Variants in C10orf90 observed in about 807,000 individuals in gnomAD.
The protein encoded by C10orf90 is (E2-independent) E3 ubiquitin-conjugating enzyme FATS.
Under a neutral mutation model 62.5 loss-of-function variants are expected in C10orf90, and 56 were observed. That is an observed-to-expected ratio of 0.90 (90% confidence interval 0.72 to 1.12). The LOEUF (loss-of-function observed/expected upper bound fraction) is 1.12. C10orf90 is among the 50% of genes most tolerant of loss of function. The pLI is 0.00. For missense variants in C10orf90, 970 were observed against 880.4 expected, an observed-to-expected ratio of 1.10 and a Z score of -1.29; for synonymous variants, 386 against 340.4, an observed-to-expected ratio of 1.13 and a Z score of -1.47.
At chr10:126,654,176 C>A (rs899654882) in intron 1 of C10orf90, among the ~76,000 whole-genome samples, 2 of 152,154 alleles carry the variant, frequency 1.3e-5, no homozygotes, top group Admixed American at 6.5e-5. Flanking sequence ...TTCATTATCC[C>A]TAACAAGAGA....
At chr10:126,604,024 C>A (rs1291982739) in intron 2 of C10orf90, among the ~76,000 whole-genome samples, 1 of 152,198 alleles carries the variant, frequency 6.6e-6, no homozygotes, top group Non-Finnish European at 1.5e-5. Context: ...TTAGGTGGGA[C>A]AAGCTTGAGC....
In C10orf90 at chr10:126,504,658, G is replaced by T; in HGVS notation, c.833C>A (p.Ala278Asp). Reference protein sequence around the residue: ...DTLFQAPPALANGAHPGRHQR... With the variant: ...DTLFQAPPALDNGAHPGRHQR... ...ATGCCGACCTGGATGGGCGCCATTG[G>T]CCAGAGCCGGGGGCGCCTGGAACAG... The change falls in exon 4 of 10, where the codon GCC (alanine) becomes GAC (aspartate). Residue 278 changes from alanine to aspartate, a missense_variant. Ala to Asp is a moderately radical substitution (Grantham distance 126). Transcript: ENST00000488181. The surrounding 1 kb of genome is among the most constrained non-coding windows in gnomAD (Gnocchi z 4.1). 2.5e-6 allele frequency: 4 copies of T among 1,614,200 alleles called. No homozygotes were observed. The highest frequency in any genetic ancestry group is 3.4e-6 in the Non-Finnish European group (4 of 1,180,044).
At chr10:126,567,159 A>C (rs58296972) in intron 2 of C10orf90, among the ~76,000 whole-genome samples, 5,449 of 152,244 alleles carry the variant, frequency 0.036, 198 homozygotes, top group African/African-American at 0.078. Context: ...AAAGAAATAC[A>C]TAAGACTGGG....
intron 7 of C10orf90, among the ~76,000 whole-genome samples, chr10:126,438,262 G>A (rs1332135716): frequency 1.3e-5 from 2 of 152,132 alleles, no homozygotes; most frequent in African/African-American, 4.8e-5. Flanking sequence ...GAGGATGCAG[G>A]TAATGAGGGT....
chr10:126,549,744 C>CCAA (rs1554914101), intron 2 of C10orf90, among the ~76,000 whole-genome samples: 3 of 143,772 alleles, frequency 2.1e-5, no homozygotes, highest in African/African-American at 7.7e-5. Context: ...TTCATAATAG[C>CCAA]AAAAAAAAAA....
rs1844297810 is a variant in C10orf90 at position 126,565,012 on chromosome 10, T to TATTATATATAATATATAA, written c.314-51074_314-51073insTTATATATTATATATAAT. 2.0e-4 allele frequency among the ~76,000 whole-genome samples: 2 copies of TATTATATATAATATATAA among 10,248 alleles called. 1 individual carries two copies. The highest frequency in any genetic ancestry group is 3.5e-4 in the Non-Finnish European group (2 of 5,786). 6.7% of individuals were successfully genotyped at this position (10,248 alleles called of 152,430 possible). ...AAATATATATTATATATAATATATA[T>TATTATATATAATATATAA]AATATATATTATATATTATATAAAA... On this transcript the variant is annotated intron_variant, in intron 2 of 9. Coordinates refer to ENST00000488181, the MANE Select transcript of C10orf90 (RefSeq NM_001350921.2).
chr10:126,484,742 G>A (rs1409262352), intron 4 of C10orf90, among the ~76,000 whole-genome samples: 1 of 150,960 alleles, frequency 6.6e-6, no homozygotes, highest in East Asian at 1.9e-4. Flanking sequence ...CATAAACATA[G>A]GTATAGTCAA....
intron 7 of C10orf90, among the ~76,000 whole-genome samples, chr10:126,443,420 G>T (rs1224461345): frequency 6.6e-6 from 1 of 152,036 alleles, no homozygotes; most frequent in East Asian, 1.9e-4. Flanking sequence ...ACACAGAAGA[G>T]ATGGATAAAT....
chr10:126,570,927 T>C (rs1030604930), intron 2 of C10orf90, among the ~76,000 whole-genome samples: 4 of 152,082 alleles, frequency 2.6e-5, no homozygotes, highest in Non-Finnish European at 5.9e-5. Flanking sequence ...CCCAGAAACA[T>C]ATTTTCTCAA....
intron 2 of C10orf90, among the ~76,000 whole-genome samples, chr10:126,609,217 A>G (rs1845378584): frequency 6.6e-6 from 1 of 152,230 alleles, no homozygotes; most frequent in South Asian, 2.1e-4. Flanking sequence ...AGCTTGGCCA[A>G]CATGATGAAA....
intron 2 of C10orf90, among the ~76,000 whole-genome samples, chr10:126,633,548 T>C (rs992066712): frequency 2.2e-4 from 33 of 152,180 alleles, no homozygotes; most frequent in African/African-American, 8.0e-4. Flanking sequence ...AGGATGAGGC[T>C]GCAGGAATAA....
intron 1 of C10orf90, among the ~76,000 whole-genome samples, chr10:126,649,240 A>G (rs188900445): frequency 6.6e-6 from 1 of 152,134 alleles, no homozygotes; most frequent in African/African-American, 2.4e-5. Flanking sequence ...CGTCAGCTGG[A>G]CCCCAGGTCT....
At chr10:126,597,266 C>T (rs1845106000) in intron 2 of C10orf90, among the ~76,000 whole-genome samples, 1 of 152,240 alleles carries the variant, frequency 6.6e-6, no homozygotes, top group Non-Finnish European at 1.5e-5. Context: ...ATGTTCATAA[C>T]TGCATGATCA....
intron 2 of C10orf90, among the ~76,000 whole-genome samples, chr10:126,580,410 C>A (rs950762323): frequency 1.3e-5 from 2 of 152,144 alleles, no homozygotes; most frequent in African/African-American, 4.8e-5. Flanking sequence ...AATCCCAGCA[C>A]TTTGGGAGCC....
At chr10:126,565,890 G>A (rs1262662258) in intron 2 of C10orf90, among the ~76,000 whole-genome samples, 2 of 152,178 alleles carry the variant, frequency 1.3e-5, no homozygotes, top group Non-Finnish European at 2.9e-5. Context: ...GCACCTAACA[G>A]CATGTTACTG....
At chr10:126,669,637 T>C (rs558822843) in intron 1 of C10orf90, among the ~76,000 whole-genome samples, 1 of 152,250 alleles carries the variant, frequency 6.6e-6, no homozygotes, top group South Asian at 2.1e-4. Flanking sequence ...AATACAAATA[T>C]GTTTCAGAGT....
chr10:126,539,508 A>C (rs1275063407), intron 2 of C10orf90, among the ~76,000 whole-genome samples: 6 of 152,168 alleles, frequency 3.9e-5, no homozygotes, highest in African/African-American at 1.4e-4. Context: ...CCATATGAAT[A>C]AATGCATTTT....
At chr10:126,554,920 G>A (rs1369421305) in intron 2 of C10orf90, among the ~76,000 whole-genome samples, 1 of 152,192 alleles carries the variant, frequency 6.6e-6, no homozygotes, top group African/African-American at 2.4e-5. Flanking sequence ...CGAACAACCT[G>A]GGCATTGAAG....
In C10orf90 at chr10:126,607,664, A is replaced by G. The variant is rs546095633; in HGVS notation, c.313+38901T>C. Among the ~76,000 whole-genome samples, 4 of 152,276 alleles carry G rather than the reference A, an allele frequency of 2.6e-5. No individual in the cohort carries two copies. In the East Asian group the frequency reaches 5.8e-4, roughly 22 times the overall value. The stretch of plus-strand genomic sequence containing the variant: ...TCATATTGTAAAATAAAATGTACCA[A>G]TATTTAGAAGATGGGTATAACTCAA... On this transcript the variant is annotated intron_variant, in intron 2 of 9. Coordinates refer to ENST00000488181, the MANE Select transcript of C10orf90 (RefSeq NM_001350921.2).
Sources: gnomAD v4.1 joint callset for allele counts (sites outside exome capture counted in the v4.1 genomes callset) on GRCh38, gnomAD v4.1.1 for gene constraint, Gnocchi (gnomAD v3.1) non-coding constraint, MANE v1.5 for transcripts, NCBI Gene and HGNC (gene_info 2026-07-23, HGNC 2026-07-21) for gene names.